Variants in SPTLC3 observed in about 807,000 individuals in gnomAD.
The protein encoded by SPTLC3 is serine palmitoyltransferase 3.
SPTLC3 carries 36 observed loss-of-function variants against 59.3 expected under a neutral mutation model. The observed-to-expected ratio is 0.61, with a 90% CI of 0.47 to 0.80. SPTLC3 has a LOEUF of 0.80. Ranked by LOEUF, SPTLC3 falls within the 30% of genes least tolerant of loss-of-function variation. The pLI is 0.00. For synonymous variants in SPTLC3, 257 were observed against 240.8 expected (o/e 1.07, Z -0.62); for missense variants, 625 against 685.1 (o/e 0.91, Z 0.98).
At chr20:13,062,478 A>C (rs772323194) in intron 2 of SPTLC3, among the ~76,000 whole-genome samples, 28 of 152,252 alleles carry the variant, frequency 1.8e-4, no homozygotes, top group South Asian at 8.3e-4. Flanking sequence ...ATACAGAAAC[A>C]TATATATTTA....
In SPTLC3 at chr20:13,029,008, C is replaced by G. The variant is rs368630712; in HGVS notation, c.117+19624C>G. Reference sequence around the variant, plus strand: ...CCCTTTGCCTGTAACACTGTACTCCCTTACACATCACAAAACCAGAAACAA... The same window carrying G: ...CCCTTTGCCTGTAACACTGTACTCCGTTACACATCACAAAACCAGAAACAA... On this transcript the variant is annotated intron_variant, in intron 1 of 11. Coordinates refer to ENST00000399002, the MANE Select transcript of SPTLC3 (RefSeq NM_018327.4). 2.9e-3 allele frequency among the ~76,000 whole-genome samples: 438 copies of G among 152,322 alleles called. 4 individuals carry two copies. Among genetic ancestry groups the G allele is most frequent in the African/African-American group, 0.01 (423 of 41,592 alleles).
intron 9 of SPTLC3, among the ~76,000 whole-genome samples, chr20:13,145,795 T>G (rs1192937530): frequency 2.0e-5 from 3 of 152,168 alleles, no homozygotes; most frequent in African/African-American, 7.2e-5. Flanking sequence ...AACAGGCACA[T>G]AGACCAATGG....
At chr20:13,029,003 A>T (rs148028394) in intron 1 of SPTLC3, among the ~76,000 whole-genome samples, 2 of 152,094 alleles carry the variant, frequency 1.3e-5, no homozygotes, top group African/African-American at 4.8e-5. Flanking sequence ...GTAACACTGT[A>T]CTCCCTTACA....
chr20:13,136,241 T>C (rs1223657559), intron 9 of SPTLC3, among the ~76,000 whole-genome samples: 1 of 151,914 alleles, frequency 6.6e-6, no homozygotes, highest in Non-Finnish European at 1.5e-5. Flanking sequence ...AAAGATAAAA[T>C]TAAGATGGAA....
intron 1 of SPTLC3, among the ~76,000 whole-genome samples, chr20:13,031,432 A>T (rs1307762707): frequency 3.3e-5 from 5 of 152,174 alleles, no homozygotes; most frequent in Admixed American, 6.6e-5. Flanking sequence ...TTTCACCTGA[A>T]CCTAGCACAC....
At chr20:13,095,207 G>C (rs1030870216) in intron 6 of SPTLC3, among the ~76,000 whole-genome samples, 3 of 152,192 alleles carry the variant, frequency 2.0e-5, no homozygotes, top group African/African-American at 7.2e-5. Flanking sequence ...CTTGGCAAAG[G>C]ATAAAGGGGA....
chr20:13,065,630 T>A (rs747686538), intron 2 of SPTLC3, among the ~76,000 whole-genome samples: 4 of 152,008 alleles, frequency 2.6e-5, no homozygotes, highest in Non-Finnish European at 5.9e-5. Context: ...ATACTGTAAT[T>A]ACATATTTAT....
Position 13,169,031 on chromosome 20 carries a change from G to A in SPTLC3, c.*4164G>A, listed in dbSNP as rs1160531598. Reference sequence around the variant, plus strand: ...AAATGTATGTTTCACTGAAACATTTGAAACGACCAATTTCACTTTATTGTG... The same window carrying A: ...AAATGTATGTTTCACTGAAACATTTAAAACGACCAATTTCACTTTATTGTG... On this transcript the variant is annotated 3_prime_UTR_variant, in exon 12 of 12. Coordinates refer to ENST00000399002, the MANE Select transcript of SPTLC3 (RefSeq NM_018327.4). The A allele has an allele frequency of 6.6e-6, 1 of 151,964 alleles. No individual in the cohort carries two copies. Among genetic ancestry groups the A allele is most frequent in the Non-Finnish European group, 1.5e-5 (1 of 67,994 alleles). The allele number at this position is 151,964 out of a possible 1,614,324, so 9.4% of individuals were successfully genotyped here.
At chr20:13,111,795 T>C (rs893816058) in intron 7 of SPTLC3, among the ~76,000 whole-genome samples, 2 of 152,166 alleles carry the variant, frequency 1.3e-5, no homozygotes, top group Admixed American at 6.5e-5. Flanking sequence ...TGCAAATAAA[T>C]AGAACTTGGC....
At chr20:13,123,119 T>C (rs1048576978) in intron 8 of SPTLC3, among the ~76,000 whole-genome samples, 6 of 152,010 alleles carry the variant, frequency 3.9e-5, no homozygotes, top group Non-Finnish European at 7.4e-5. Flanking sequence ...TTACCAGAGG[T>C]CAGGAGTTCG....
At chr20:13,019,782 C>A (rs755669173) in intron 1 of SPTLC3, among the ~76,000 whole-genome samples, 1 of 152,198 alleles carries the variant, frequency 6.6e-6, no homozygotes, top group African/African-American at 2.4e-5. Context: ...TCTGGTCTAA[C>A]TGGACCTTCA....
chr20:13,128,205 G>A (rs988444691), intron 9 of SPTLC3, among the ~76,000 whole-genome samples: 3 of 152,282 alleles, frequency 2.0e-5, no homozygotes, highest in African/African-American at 7.2e-5. Context: ...TTGTTTCTGA[G>A]GTGATCGACA....
chr20:13,155,566 C>T (rs1004995052), intron 10 of SPTLC3, among the ~76,000 whole-genome samples: 1 of 152,138 alleles, frequency 6.6e-6, no homozygotes, highest in African/African-American at 2.4e-5. Flanking sequence ...GTGGCTCATG[C>T]CTGTAATCCC....
intron 9 of SPTLC3, among the ~76,000 whole-genome samples, chr20:13,139,056 T>C (rs1256467327): frequency 6.6e-6 from 1 of 152,084 alleles, no homozygotes; most frequent in African/African-American, 2.4e-5. Context: ...TAGAGGAGGG[T>C]AGCGTGATTC....
chr20:13,063,392 T>C (rs1308520952), intron 2 of SPTLC3, among the ~76,000 whole-genome samples: 1 of 152,084 alleles, frequency 6.6e-6, no homozygotes, highest in Non-Finnish European at 1.5e-5. Flanking sequence ...GCATTATATT[T>C]AGCCGCACAT....
chr20:13,162,655 G>T (rs1004819419), intron 11 of SPTLC3, among the ~76,000 whole-genome samples: 1 of 152,164 alleles, frequency 6.6e-6, no homozygotes, highest in Admixed American at 6.5e-5. Flanking sequence ...TCCCTCTTCT[G>T]ACTGACATGT....
At chr20:13,079,827 C>T (rs929907104) in intron 4 of SPTLC3, 2 of 463,286 alleles carry the variant, frequency 4.3e-6, no homozygotes, top group Non-Finnish European at 9.0e-6. Flanking sequence ...CAGGGGCCAC[C>T]CTGGTCATGG....
intron 9 of SPTLC3, among the ~76,000 whole-genome samples, chr20:13,133,629 G>A (rs1158765496): frequency 6.6e-6 from 1 of 152,134 alleles, no homozygotes; most frequent in African/African-American, 2.4e-5. Context: ...AGCTACTCTG[G>A]AGACTGAGGC....
intron 5 of SPTLC3, among the ~76,000 whole-genome samples, chr20:13,092,922 G>A (rs1989279211): frequency 6.6e-6 from 1 of 152,102 alleles, no homozygotes; most frequent in African/African-American, 2.4e-5. Flanking sequence ...AAGTTAGGCT[G>A]ACTTTATCCA....
Sources: allele counts gnomAD v4.1 joint callset (sites outside exome capture counted in the v4.1 genomes callset), GRCh38; gene constraint gnomAD v4.1.1; transcripts MANE v1.5; gene names NCBI Gene and HGNC (gene_info 2026-07-23, HGNC 2026-07-21).